Variants in CFAP20DC observed in about 807,000 individuals in gnomAD.
CFAP20DC encodes the protein CFAP20 domain containing.
In CFAP20DC, 84 loss-of-function variants were observed where a neutral mutation model predicts 101.7. The observed-to-expected ratio is 0.83, with a 90% CI of 0.69 to 0.99. The LOEUF is 0.99. Ranked by LOEUF, CFAP20DC falls within the 50% of genes least tolerant of loss-of-function variation. The pLI is 0.00. For missense variants in CFAP20DC, 1,007 were observed against 970.3 expected (o/e 1.04, Z -0.50); for synonymous variants, 359 against 351.2 (o/e 1.02, Z -0.25).
At chr3:58,966,742 C>T (rs181819213) in intron 4 of CFAP20DC, among the ~76,000 whole-genome samples, 26 of 152,010 alleles carry the variant, frequency 1.7e-4, no homozygotes, top group African/African-American at 6.3e-4. Context: ...CCAGCCTGGT[C>T]TCAAACTTCT....
chr3:58,811,797 A>G (rs1274794568), intron 14 of CFAP20DC, among the ~76,000 whole-genome samples: 1 of 151,932 alleles, frequency 6.6e-6, no homozygotes, highest in African/African-American at 2.4e-5. Context: ...AATTTTCGCA[A>G]CCTGCTCATC....
At chr3:58,936,011 C>T (rs1227371998) in intron 5 of CFAP20DC, among the ~76,000 whole-genome samples, 7 of 152,044 alleles carry the variant, frequency 4.6e-5, no homozygotes, top group African/African-American at 7.2e-5. Context: ...AGAAAATTTT[C>T]ACAACCTACT....
chr3:58,929,060 A>C (rs115995788), intron 5 of CFAP20DC, among the ~76,000 whole-genome samples: 2,131 of 152,274 alleles, frequency 0.014, 50 homozygotes, highest in African/African-American at 0.049. Flanking sequence ...TAAATTGTTT[A>C]TGTCATTACA....
chr3:58,951,840 T>C (rs966324627), intron 4 of CFAP20DC, among the ~76,000 whole-genome samples: 8 of 152,090 alleles, frequency 5.3e-5, no homozygotes, highest in Admixed American at 1.3e-4. Flanking sequence ...CACACCAACA[T>C]GGCACATGTA....
At chr3:58,933,804 C>A (rs1352623731) in intron 5 of CFAP20DC, among the ~76,000 whole-genome samples, 2 of 151,690 alleles carry the variant, frequency 1.3e-5, no homozygotes, top group African/African-American at 4.8e-5. Context: ...GCACTAAATG[C>A]CCAAAAAGAA....
intron 4 of CFAP20DC, among the ~76,000 whole-genome samples, chr3:58,991,039 C>G (rs1169511117): frequency 6.6e-6 from 1 of 151,988 alleles, no homozygotes; most frequent in Non-Finnish European, 1.5e-5. Flanking sequence ...ATAGTGGGCT[C>G]TAATACATAT....
chr3:58,816,710 G>T lies in CFAP20DC; in HGVS notation c.2176-10254C>A, dbSNP rs540617887. Among the ~76,000 whole-genome samples the T allele has an allele frequency of 3.3e-5, 5 of 152,298 alleles. No individual in the cohort carries two copies. In the East Asian group the frequency reaches 9.7e-4, roughly 29 times the overall value. Reference sequence around the variant, plus strand: ...AACTGCAAGGTGGAAGCGAGGCTGGGGGAGGGGCGCCCGCCATTGCCCAGG... The same window carrying T: ...AACTGCAAGGTGGAAGCGAGGCTGGTGGAGGGGCGCCCGCCATTGCCCAGG... On this transcript the variant is annotated intron_variant, in intron 14 of 16. Coordinates refer to ENST00000482387, the MANE Select transcript of CFAP20DC (RefSeq NM_001394063.1).
At chr3:58,848,407 C>G (rs938853267) in intron 13 of CFAP20DC, among the ~76,000 whole-genome samples, 3 of 152,074 alleles carry the variant, frequency 2.0e-5, no homozygotes, top group African/African-American at 7.2e-5. Context: ...ATGGAATGTA[C>G]ATGTCATTTG....
chr3:58,921,983 C>A (rs901484363), intron 5 of CFAP20DC, among the ~76,000 whole-genome samples: 1 of 152,158 alleles, frequency 6.6e-6, no homozygotes, highest in African/African-American at 2.4e-5. Context: ...GTCCTGAAGT[C>A]TAATTTGTCT....
intron 13 of CFAP20DC, 98 bp from the exon 14 acceptor site, chr3:58,831,987 C>A: frequency 3.1e-6 from 3 of 967,780 alleles, no homozygotes; most frequent in Non-Finnish European, 3.2e-6. Flanking sequence ...GCTCCCCCAA[C>A]TGACAGAGGC....
chr3:58,833,532 A>T (rs554502350), intron 13 of CFAP20DC, among the ~76,000 whole-genome samples: 1 of 152,256 alleles, frequency 6.6e-6, no homozygotes, highest in East Asian at 1.9e-4. Flanking sequence ...AGATACCTTC[A>T]CACCCATTAG....
intron 15 of CFAP20DC, among the ~76,000 whole-genome samples, chr3:58,779,271 T>C (rs1191581578): frequency 6.6e-6 from 1 of 151,882 alleles, no homozygotes; most frequent in African/African-American, 2.4e-5. Flanking sequence ...GGGACAGATA[T>C]CATAAAAAGG....
At chr3:59,009,933 A>C (rs2093542156) in intron 4 of CFAP20DC, among the ~76,000 whole-genome samples, 1 of 152,206 alleles carries the variant, frequency 6.6e-6, no homozygotes, top group Admixed American at 6.5e-5. Context: ...AATAATAGCC[A>C]AGAATTTTGT....
chr3:58,736,804 C>T (rs1187927812), intron 3 of CFAP20DC, among the ~76,000 whole-genome samples: 2 of 152,194 alleles, frequency 1.3e-5, no homozygotes, highest in Admixed American at 6.5e-5. Flanking sequence ...ACATCACTTT[C>T]GTAATGCCTC....
At chr3:58,812,283 T>C (rs1395893391) in intron 14 of CFAP20DC, among the ~76,000 whole-genome samples, 3 of 152,024 alleles carry the variant, frequency 2.0e-5, no homozygotes, top group Admixed American at 2.0e-4. Context: ...CTATTCACAA[T>C]AGCAAAGACT....
At position 59,046,233 on chromosome 3, in the gene CFAP20DC, T is replaced by C. The variant is rs1269820870; in HGVS notation, c.201A>G (p.Gln67=). 3.3e-6 allele frequency: 5 copies of C among 1,527,800 alleles called. No homozygotes were observed. Among genetic ancestry groups the C allele is most frequent in the Non-Finnish European group, 4.4e-6 (5 of 1,142,036 alleles). 94.6% of individuals were successfully genotyped at this position (1,527,800 alleles called of 1,614,324 possible). ...AATATTAAAAATATTACTTACGGCT[T>C]TGCTTATTCTCCTTTGGTAACTGAA... ...NKIQLPKENK[Q]SLGLIQRFLV... is the part of the protein sequence containing the mutation. Residue 67 remains glutamine (Q), a synonymous_variant, in exon 3 of 17, where the codon CAA becomes CAG. Coordinates refer to ENST00000482387, the MANE Select transcript of CFAP20DC (RefSeq NM_001394063.1).
intron 14 of CFAP20DC, among the ~76,000 whole-genome samples, chr3:58,823,734 G>A (rs2075850689): frequency 6.6e-6 from 1 of 151,856 alleles, no homozygotes; most frequent in Admixed American, 6.6e-5. Context: ...TTAAGTTTTT[G>A]AATAACAAAA....
At chr3:58,815,204 C>A (rs1310248927) in intron 14 of CFAP20DC, among the ~76,000 whole-genome samples, 1 of 151,706 alleles carries the variant, frequency 6.6e-6, no homozygotes, top group African/African-American at 2.4e-5. Context: ...AATAACGCTG[C>A]ATATCTACAA....
intron 3 of CFAP20DC, among the ~76,000 whole-genome samples, chr3:59,042,097 G>A (rs532774037): frequency 6.6e-6 from 1 of 152,166 alleles, no homozygotes; most frequent in Admixed American, 6.5e-5. Context: ...TTTCTTGAAG[G>A]ACAAGCATTG....
Sources: allele counts gnomAD v4.1 joint callset (sites outside exome capture counted in the v4.1 genomes callset), GRCh38; gene constraint gnomAD v4.1.1; transcripts MANE v1.5; gene names NCBI Gene and HGNC (gene_info 2026-07-23, HGNC 2026-07-21).